The following DMD variants were observed in gnomAD, a reference collection of about 807,000 sequenced individuals.
DMD encodes mutant dystrophin.
Under a neutral mutation model 330.1 loss-of-function variants are expected in DMD, and 63 were observed. The ratio of observed to expected loss-of-function variants is 0.19; its 90% confidence interval spans 0.16 to 0.24. DMD has a LOEUF of 0.24. Ranked by LOEUF, DMD falls within the 10% of genes least tolerant of loss-of-function variation. The probability of loss-of-function intolerance (pLI) is 1.00; values close to 1 mark genes in which losing one functional copy is unlikely to be tolerated. For synonymous variants in DMD, 1,223 were observed against 959.8 expected, an observed-to-expected ratio of 1.27 and a Z score of -5.07; for missense variants, 3,344 against 2,684.1, an observed-to-expected ratio of 1.25 and a Z score of -5.43.
intron 11 of DMD, among the ~76,000 whole-genome samples, chrX:32,629,163 T>G (rs1201066001): frequency 8.9e-6 from 1 of 111,879 alleles, no homozygotes; most frequent in Admixed American, 9.5e-5. Flanking sequence ...TCTCTAACTC[T>G]AATAATATTT....
In DMD at chrX:31,988,752, C is replaced by T. The variant is rs979751717; in HGVS notation, c.6439-20238G>A. On this transcript the variant is annotated intron_variant, in intron 44 of 78. Transcript: ENST00000357033. Reference sequence around the variant, plus strand: ...TAGAGAAATTATATTAGGGCACTCTCACACTCACGTTCTTGTGCTCTCATT... The same window carrying T: ...TAGAGAAATTATATTAGGGCACTCTTACACTCACGTTCTTGTGCTCTCATT... Among the ~76,000 whole-genome samples the T allele has an allele frequency of 5.4e-5, 6 of 110,188 alleles. No homozygotes were observed. The East Asian group carries it at 1.4e-3, about 26-fold the overall frequency.
rs1569428934 is a variant in DMD at position 32,667,773 on chromosome X, T to TA, written c.961-22622_961-22621insT. Among the ~76,000 whole-genome samples the TA allele has an allele frequency of 6.5e-3, 696 of 107,868 alleles. 7 individuals are homozygous for TA. The highest frequency in any genetic ancestry group is 0.022 in the African/African-American group (631 of 29,254). 93.7% of individuals were successfully genotyped at this position (107,868 alleles called of 115,157 possible). On this transcript the variant is annotated intron_variant, in intron 9 of 78. Coordinates refer to ENST00000357033, the MANE Select transcript of DMD (RefSeq NM_004006.3). The stretch of plus-strand genomic sequence containing the variant: ...CACCATTCTCTGCTTTTGTGTTTTT[T>TA]TTTTTTTTTTTTCCAGTTTTCTACT...
chrX:31,492,293 A>T (rs2069381730), intron 57 of DMD, among the ~76,000 whole-genome samples: 1 of 112,359 alleles, frequency 8.9e-6, no homozygotes, highest in African/African-American at 3.2e-5. Flanking sequence ...AACTGAGTTC[A>T]GGAGATCTGA....
intron 44 of DMD, among the ~76,000 whole-genome samples, chrX:32,160,498 G>A (rs779535786): frequency 3.6e-5 from 4 of 110,397 alleles, no homozygotes; most frequent in African/African-American, 1.3e-4. Context: ...GCATCCCAAA[G>A]TGCTGAGATT....
intron 17 of DMD, among the ~76,000 whole-genome samples, chrX:32,544,853 A>G (rs948014676): frequency 9.0e-6 from 1 of 110,594 alleles, no homozygotes; most frequent in Non-Finnish European, 1.9e-5. Flanking sequence ...GGAAGAAAAA[A>G]AAAAAAGAAA....
Position 32,411,345 on chromosome X carries a change from G to C in DMD, c.4233+407C>G, listed in dbSNP as rs185252187. Reference sequence around the variant, plus strand: ...AGGGTTTCACCATGTTGGCCAGGCTGGTCTTGAACTCCTGACATTGTGATT... The same window carrying C: ...AGGGTTTCACCATGTTGGCCAGGCTCGTCTTGAACTCCTGACATTGTGATT... On this transcript the variant is annotated intron_variant, in intron 30 of 78. Coordinates refer to ENST00000357033, the MANE Select transcript of DMD (RefSeq NM_004006.3). 2.7e-5 allele frequency among the ~76,000 whole-genome samples: 3 copies of C among 110,608 alleles called. No homozygotes were observed. The Admixed American group carries it at 2.9e-4, about 11-fold the overall frequency.
intron 50 of DMD, among the ~76,000 whole-genome samples, chrX:31,781,277 T>C (rs773015435): frequency 1.3e-4 from 15 of 112,288 alleles, no homozygotes; most frequent in Non-Finnish European, 2.8e-4. Flanking sequence ...TCCAAGACAA[T>C]GTGCTTAACC....
intron 1 of DMD, among the ~76,000 whole-genome samples, chrX:33,106,810 A>G (rs1474806155): frequency 7.2e-5 from 8 of 111,637 alleles, no homozygotes; most frequent in Admixed American, 3.8e-4. Flanking sequence ...TTATCAAGTT[A>G]CTTGAGGCCA....
At chrX:32,644,690 C>T (rs1246862427) in intron 10 of DMD, among the ~76,000 whole-genome samples, 1 of 110,484 alleles carries the variant, frequency 9.1e-6, no homozygotes, top group African/African-American at 3.3e-5. Flanking sequence ...CAATACCATA[C>T]ATCAACTCAG....
At chrX:31,489,515 T>C (rs1443799779) in intron 57 of DMD, among the ~76,000 whole-genome samples, 1 of 112,120 alleles carries the variant, frequency 8.9e-6, no homozygotes, top group Admixed American at 9.5e-5. Flanking sequence ...TTGTTTATTT[T>C]CTCTTCATAG....
chrX:33,153,630 TAA>T (rs920048249), intron 1 of DMD, among the ~76,000 whole-genome samples: 10 of 112,781 alleles, frequency 8.9e-5, no homozygotes, highest in Non-Finnish European at 1.9e-4. Flanking sequence ...TTGAAATATA[TAA>T]TTGTTTAAAA....
At chrX:32,031,468 C>CA (rs2095882713) in intron 44 of DMD, among the ~76,000 whole-genome samples, 1 of 110,948 alleles carries the variant, frequency 9.0e-6, no homozygotes, top group African/African-American at 3.3e-5. Flanking sequence ...CTTACCACCG[C>CA]AAAAATCCAC....
chrX:31,992,235 C>T (rs2095556025), intron 44 of DMD, among the ~76,000 whole-genome samples: 1 of 111,903 alleles, frequency 8.9e-6, no homozygotes, highest in African/African-American at 3.2e-5. Flanking sequence ...GTTGGAATGA[C>T]TTACGGTTTT....
At chrX:32,787,055 G>C (rs1252013644) in intron 7 of DMD, among the ~76,000 whole-genome samples, 1 of 111,366 alleles carries the variant, frequency 9.0e-6, no homozygotes, top group Non-Finnish European at 1.9e-5. Flanking sequence ...ATGACGTAAT[G>C]ACTACAAGAG....
At chrX:32,110,427 T>A (rs1185487665) in intron 44 of DMD, among the ~76,000 whole-genome samples, 1 of 111,909 alleles carries the variant, frequency 8.9e-6, no homozygotes, top group Non-Finnish European at 1.9e-5. Flanking sequence ...TAGAGGTAGT[T>A]TTCACTCTGT....
chrX:31,951,141 G>GTGTATATATATATATA lies in DMD; in HGVS notation c.6614+17182_6614+17197dup, dbSNP rs1189951891. Among the ~76,000 whole-genome samples, 19 of 72,821 alleles carry GTGTATATATATATATA rather than the reference G, an allele frequency of 2.6e-4. 1 individual carries two copies. The highest frequency in any genetic ancestry group is 1.1e-3 in the Admixed American group (7 of 6,538). 63.2% of individuals were successfully genotyped at this position (72,821 alleles called of 115,157 possible). A position where few individuals can be genotyped will look rare whatever the true frequency, so the allele number is the denominator to read the frequency against. On this transcript the variant is annotated intron_variant, in intron 45 of 78. Coordinates refer to ENST00000357033, the MANE Select transcript of DMD (RefSeq NM_004006.3). ...TATATACATATATATATATATATAT[G>GTGTATATATATATATA]TGTATATATATATATATGTATATAT...
intron 60 of DMD, among the ~76,000 whole-genome samples, chrX:31,412,206 A>AAAAGAGAG (rs765872095): frequency 0.017 from 1,641 of 93,965 alleles, 46 homozygotes; most frequent in East Asian, 0.072. Context: ...AAAAAAAAAA[A>AAAAGAGAG]AGAGAGAGAG....
chrX:31,369,740 C>T (rs899347431), intron 60 of DMD, among the ~76,000 whole-genome samples: 8 of 110,953 alleles, frequency 7.2e-5, no homozygotes, highest in African/African-American at 2.6e-4. Flanking sequence ...ATAAGTCTGA[C>T]CTTACTTCAA....
At chrX:31,988,473 C>CAAAAAAAAAAAAAA (rs11352664) in intron 44 of DMD, among the ~76,000 whole-genome samples, 1 of 24,147 alleles carries the variant, frequency 4.1e-5, no homozygotes, top group Non-Finnish European at 7.1e-5. Context: ...GACTCCATCT[C>CAAAAAAAAAAAAAA]AAAAAAAAAA....
Sources: allele counts gnomAD v4.1 joint callset (sites outside exome capture counted in the v4.1 genomes callset), GRCh38; gene constraint gnomAD v4.1.1; transcripts MANE v1.5; gene names NCBI Gene and HGNC (gene_info 2026-07-23, HGNC 2026-07-21).